Variants in SOX6 observed in about 807,000 individuals in gnomAD.
The protein encoded by SOX6 is SRY-box transcription factor 6.
SOX6 carries 11 observed loss-of-function variants against 97.8 expected under a neutral mutation model. That is an observed-to-expected ratio of 0.11 (90% CI 0.07 to 0.19). SOX6 has a LOEUF of 0.19. SOX6 is among the 10% of genes least tolerant of loss of function. The pLI is 1.00. For missense variants in SOX6, 810 were observed against 1,039.5 expected (o/e 0.78, Z 3.04); for synonymous variants, 360 against 371.4 (o/e 0.97, Z 0.35).
At chr11:16,407,019 T>G (rs1248685989) in intron 1 of SOX6, among the ~76,000 whole-genome samples, 1 of 152,184 alleles carries the variant, frequency 6.6e-6, no homozygotes, top group South Asian at 2.1e-4. Context: ...CATTTTTGTG[T>G]ACTGAATTAT....
chr11:16,701,783 G>T (rs1251675526), intron 3 of SOX6, among the ~76,000 whole-genome samples: 1 of 130,154 alleles, frequency 7.7e-6, no homozygotes, highest in Admixed American at 7.9e-5. Context: ...CGGGGGGGTG[G>T]GAGGGGGGAC....
chr11:16,155,715 G>A (rs1425272387), intron 6 of SOX6, among the ~76,000 whole-genome samples: 1 of 151,936 alleles, frequency 6.6e-6, no homozygotes, highest in Admixed American at 6.6e-5. Flanking sequence ...TTTTATTAAA[G>A]GTGAACTAGT....
intron 2 of SOX6, among the ~76,000 whole-genome samples, chr11:16,322,151 G>A (rs994225230): frequency 6.6e-5 from 10 of 152,062 alleles, no homozygotes; most frequent in Non-Finnish European, 1.5e-4. Context: ...CATCAATTGA[G>A]GCAAAATATC....
At chr11:16,194,362 G>T (rs1851714985) in intron 4 of SOX6, among the ~76,000 whole-genome samples, 1 of 152,072 alleles carries the variant, frequency 6.6e-6, no homozygotes, top group Non-Finnish European at 1.5e-5. Flanking sequence ...GAATTTCTTT[G>T]TTTTCTCATC....
At chr11:16,030,650 T>A (rs1223400365) in intron 12 of SOX6, among the ~76,000 whole-genome samples, 1 of 152,190 alleles carries the variant, frequency 6.6e-6, no homozygotes, top group African/African-American at 2.4e-5. Context: ...CTCATTGTAT[T>A]ATGCTGATCT....
intron 9 of SOX6, among the ~76,000 whole-genome samples, chr11:16,062,421 T>C (rs1314987793): frequency 6.6e-6 from 1 of 151,690 alleles, no homozygotes; most frequent in African/African-American, 2.4e-5. Context: ...TCTCAGATCA[T>C]AGTTCACAGT....
At chr11:16,673,679 T>C (rs1041992567) in intron 3 of SOX6, among the ~76,000 whole-genome samples, 3 of 152,038 alleles carry the variant, frequency 2.0e-5, no homozygotes, top group African/African-American at 7.2e-5. Context: ...TTTAAAGAAC[T>C]AATATCAATC....
At chr11:16,675,735 G>A (rs1407496448) in intron 3 of SOX6, among the ~76,000 whole-genome samples, 1 of 152,096 alleles carries the variant, frequency 6.6e-6, no homozygotes, top group African/African-American at 2.4e-5. Flanking sequence ...AAATTCTTGT[G>A]GATTATTCAA....
At chr11:16,473,058 T>G (rs1412481951) in intron 1 of SOX6, among the ~76,000 whole-genome samples, 1 of 152,228 alleles carries the variant, frequency 6.6e-6, no homozygotes. Flanking sequence ...ATATATTGAT[T>G]AATTTCAAGT....
intron 4 of SOX6, among the ~76,000 whole-genome samples, chr11:16,534,117 A>C (rs1861274860): frequency 1.3e-5 from 2 of 152,188 alleles, no homozygotes; most frequent in African/African-American, 4.8e-5. Context: ...ATAGAATGGC[A>C]CAGCAGAACC....
intron 6 of SOX6, among the ~76,000 whole-genome samples, chr11:16,136,202 T>G (rs1399145965): frequency 2.6e-5 from 4 of 151,992 alleles, no homozygotes; most frequent in African/African-American, 9.7e-5. Flanking sequence ...TGTATTTTAG[T>G]AGAGACGGGG....
chr11:16,521,206 G>A (rs972061957), intron 4 of SOX6, among the ~76,000 whole-genome samples: 18 of 152,150 alleles, frequency 1.2e-4, no homozygotes, highest in East Asian at 1.9e-4. Flanking sequence ...CCTGAACCCC[G>A]AGCAGCCTAA....
intron 4 of SOX6, among the ~76,000 whole-genome samples, chr11:16,489,535 C>G (rs534051398): frequency 6.6e-6 from 1 of 152,216 alleles, no homozygotes; most frequent in East Asian, 1.9e-4. Flanking sequence ...AGTTATCTAA[C>G]TATCTTTAAA....
rs1167053352 is a variant in SOX6, at chr11:16,013,389, T to C, written c.1732+1553A>G. On this transcript the variant is annotated intron_variant, in intron 13 of 15. Transcript: ENST00000683767. ...TTTTAGGCCAGCCACAATCTCTGTG[T>C]TGCACTCGGATGGTTAACTGTGCAA... 2.0e-5 allele frequency among the ~76,000 whole-genome samples: 3 copies of C among 152,054 alleles called. No homozygotes were observed. In the East Asian group the frequency reaches 5.8e-4, roughly 29 times the overall value.
chr11:16,058,488 T>C (rs1257771005), intron 9 of SOX6, among the ~76,000 whole-genome samples: 1 of 152,082 alleles, frequency 6.6e-6, no homozygotes, highest in Non-Finnish European at 1.5e-5. Context: ...GGTCTAAGTA[T>C]GGGGTAGACT....
chr11:16,707,820 G>A (rs1259651056), intron 3 of SOX6, among the ~76,000 whole-genome samples: 1 of 152,110 alleles, frequency 6.6e-6, no homozygotes, highest in Non-Finnish European at 1.5e-5. Context: ...ATGCCCCTGA[G>A]TTCATCTTAA....
intron 1 of SOX6, among the ~76,000 whole-genome samples, chr11:16,388,892 G>A (rs1312442640): frequency 7.2e-5 from 11 of 152,020 alleles, no homozygotes. Context: ...TCTTACGACT[G>A]TACATTTATA....
At chr11:16,312,434 T>C (rs1237293338) in intron 3 of SOX6, 1 of 152,212 alleles carries the variant, frequency 6.6e-6, no homozygotes, top group Non-Finnish European at 1.5e-5. Flanking sequence ...TAGGATCATA[T>C]ACTTAGTAGT....
chr11:16,059,476 C>A (rs1847894969), intron 9 of SOX6, among the ~76,000 whole-genome samples: 1 of 151,716 alleles, frequency 6.6e-6, no homozygotes, highest in Admixed American at 6.6e-5. Context: ...AATGTAATTT[C>A]CAGCATTTCT....
Sources: allele counts gnomAD v4.1 joint callset (sites outside exome capture counted in the v4.1 genomes callset), GRCh38; gene constraint gnomAD v4.1.1; transcripts MANE v1.5; gene names NCBI Gene and HGNC (gene_info 2026-07-23, HGNC 2026-07-21).